The following CACUL1 variants were observed in gnomAD, a reference collection of about 807,000 sequenced individuals.
CACUL1 encodes CDK2 associated cullin domain 1.
CACUL1 carries 13 observed loss-of-function variants against 45.2 expected under a neutral mutation model. That is an observed-to-expected ratio of 0.29 (90% CI 0.19 to 0.46). CACUL1 has a LOEUF of 0.46. CACUL1 is among the 20% of genes least tolerant of loss of function. The pLI is 1.00. For missense variants in CACUL1, 421 were observed against 471.4 expected (o/e 0.89, Z 0.99); for synonymous variants, 197 against 174.2 (o/e 1.13, Z -1.03).
At position 118,686,026 on chromosome 10, in the gene CACUL1, C is replaced by A; in HGVS notation, c.*102G>T. ...TCCTCTTCCATGAACAGCTTTGTGA[C>A]AGAGCTCCTGAGTGTGTGCAGCCCC... On this transcript the variant is annotated 3_prime_UTR_variant, in exon 9 of 9. Coordinates refer to ENST00000369151, the MANE Select transcript of CACUL1 (RefSeq NM_153810.5). The A allele has an allele frequency of 1.4e-6, 1 of 703,884 alleles. No homozygotes were observed. 43.6% of individuals were successfully genotyped at this position (703,884 alleles called of 1,614,324 possible). A position where few individuals can be genotyped will look rare whatever the true frequency, so the allele number is the denominator to read the frequency against.
intron 6 of CACUL1, among the ~76,000 whole-genome samples, chr10:118,691,851 A>G (rs1307059034): frequency 7.7e-6 from 1 of 130,504 alleles, no homozygotes; most frequent in Non-Finnish European, 1.6e-5. Flanking sequence ...TGGGCGACAG[A>G]GCGAGACTCC....
intron 3 of CACUL1, among the ~76,000 whole-genome samples, chr10:118,719,238 TA>T (rs1175471940): frequency 2.0e-5 from 3 of 152,220 alleles, no homozygotes; most frequent in Non-Finnish European, 4.4e-5. Context: ...ATTCCTATAA[TA>T]AGTACAACGT....
At position 118,680,282 on chromosome 10, in the gene CACUL1, T is replaced by C. The variant is rs182714223; in HGVS notation, c.*5846A>G. The C allele has an allele frequency of 4.1e-4, 62 of 152,200 alleles. 1 individual carries two copies. Among genetic ancestry groups the C allele is most frequent in the Admixed American group, 3.5e-3 (53 of 15,280 alleles). The allele number at this position is 152,200 out of a possible 1,614,324, so 9.4% of individuals were successfully genotyped here. On this transcript the variant is annotated 3_prime_UTR_variant, in exon 9 of 9. Coordinates refer to ENST00000369151, the MANE Select transcript of CACUL1 (RefSeq NM_153810.5). ...TCTAGTAGAAAAGGTTTGTACTTAG[T>C]AAAAAACAAACCTGCTAAAAGGGAA...
chr10:118,743,385 G>A (rs1011133960), intron 1 of CACUL1, among the ~76,000 whole-genome samples: 18 of 151,730 alleles, frequency 1.2e-4, no homozygotes, highest in Admixed American at 2.0e-4. Flanking sequence ...AAAAAATTGC[G>A]GAAAACTTAA....
In CACUL1 at chr10:118,680,904, ATAT is replaced by A. The variant is rs1420817707; in HGVS notation, c.*5221_*5223del. ...TGCTATAAGCAAAATCAAATATTCT[ATAT>A]TATAACAAAGTTCCAGTGAACCAGG... On this transcript the variant is annotated 3_prime_UTR_variant, in exon 9 of 9. Coordinates refer to ENST00000369151, the MANE Select transcript of CACUL1 (RefSeq NM_153810.5). The A allele has an allele frequency of 1.3e-5, 2 of 152,230 alleles. No individual in the cohort carries two copies. The highest frequency in any genetic ancestry group is 2.9e-5 in the Non-Finnish European group (2 of 68,040). The allele number at this position is 152,230 out of a possible 1,614,324, so 9.4% of individuals were successfully genotyped here.
chr10:118,692,506 T>C (rs947545377), intron 6 of CACUL1: 1 of 152,154 alleles, frequency 6.6e-6, no homozygotes. Context: ...AAATATACTC[T>C]CTCCTTTTTA....
chr10:118,738,892 T>TAAAAAAAAAAAAA lies in CACUL1; in HGVS notation c.368-8495_368-8483dup, dbSNP rs150393133. Among the ~76,000 whole-genome samples the TAAAAAAAAAAAAA allele has an allele frequency of 9.0e-4, 56 of 62,256 alleles. 1 individual carries two copies. Among genetic ancestry groups the TAAAAAAAAAAAAA allele is most frequent in the African/African-American group, 3.3e-3 (53 of 16,160 alleles). The allele number at this position is 62,256 out of a possible 152,430, so 40.8% of individuals were successfully genotyped here. ...AAAAAAGAAGTAATCCAAGTGCTCT[T>TAAAAAAAAAAAAA]AAAAAAAAAAAAAAAAAAAAAAAGC... On this transcript the variant is annotated intron_variant, in intron 1 of 8. Transcript: ENST00000369151.
chr10:118,754,549 C>T lies in CACUL1; in HGVS notation c.214G>A (p.Glu72Lys). The change falls in exon 1 of 9, where the codon GAG (glutamate) becomes AAG (lysine). Residue 72 changes from glutamate to lysine, a missense_variant. By Grantham distance (56) the Glu-to-Lys change is moderately conservative. Coordinates refer to ENST00000369151, the MANE Select transcript of CACUL1 (RefSeq NM_153810.5). Reference sequence around the variant, plus strand: ...GGCTGCGGCCCCATCGGGAGCCCCTCCTTGGGGCCTTTCCTGTCCACGGAG... The same window carrying T: ...GGCTGCGGCCCCATCGGGAGCCCCTTCTTGGGGCCTTTCCTGTCCACGGAG... ...AVSVDRKGPK[E>K]GLPMGPQPPP... 6.2e-7 allele frequency: 1 copy of T among 1,612,508 alleles called. No homozygotes were observed. The highest frequency in any genetic ancestry group is 8.5e-7 in the Non-Finnish European group (1 of 1,179,434).
intron 1 of CACUL1, among the ~76,000 whole-genome samples, chr10:118,749,918 C>A (rs561932252): frequency 6.6e-6 from 1 of 152,180 alleles, no homozygotes; most frequent in Non-Finnish European, 1.5e-5. Flanking sequence ...TCAGGAATAT[C>A]AACATAGGAA....
chr10:118,747,570 CAAAAA>C (rs5788317), intron 1 of CACUL1, among the ~76,000 whole-genome samples: 2 of 114,230 alleles, frequency 1.8e-5, no homozygotes, highest in East Asian at 5.1e-4. Context: ...TTGGGATATC[CAAAAA>C]AAAAAAAAAC....
intron 3 of CACUL1, among the ~76,000 whole-genome samples, chr10:118,723,810 C>G (rs999473697): frequency 6.6e-6 from 1 of 152,088 alleles, no homozygotes; most frequent in Non-Finnish European, 1.5e-5. Flanking sequence ...GAATCTCGCT[C>G]TGTCGCTCAG....
intron 1 of CACUL1, among the ~76,000 whole-genome samples, chr10:118,747,170 C>T (rs1845850674): frequency 6.6e-6 from 1 of 152,182 alleles, no homozygotes; most frequent in South Asian, 2.1e-4. Context: ...TTGTCTCTTC[C>T]ACGCAACTGG....
chr10:118,692,214 TTGAAAATA>T (rs1466072706), intron 6 of CACUL1: 2 of 152,118 alleles, frequency 1.3e-5, no homozygotes, highest in Non-Finnish European at 2.9e-5. Flanking sequence ...GGTTAGTACT[TTGAAAATA>T]TTTTTTGAGC....
chr10:118,754,446 G>A lies in CACUL1; in HGVS notation c.317C>T (p.Ala106Val), dbSNP rs2901166. 2 of 1,578,040 alleles carry A rather than the reference G, an allele frequency of 1.3e-6. No homozygotes were observed. Among genetic ancestry groups the A allele is most frequent in the Non-Finnish European group, 1.7e-6 (2 of 1,162,102 alleles). The change falls in exon 1 of 9, where the codon GCC becomes GTC. Residue 106 changes from alanine (A) to valine (V), a missense_variant. Physicochemically the swap from Ala to Val is moderately conservative, Grantham distance 64. This residue lies in a region of CACUL1 where 213 missense variants were observed against 173.1 expected (regional missense o/e 1.23). Coordinates refer to ENST00000369151, the MANE Select transcript of CACUL1 (RefSeq NM_153810.5). ...GTTGATGGTGGAGCTGGCGGTGGGG[G>A]CGGGGGCCGCCTTGGCCACGGCGGC... Reference protein sequence around the residue: ...AAAAVAKAAPAPTASSTININ... With the variant: ...AAAAVAKAAPVPTASSTININ...
At chr10:118,732,037 C>A (rs1475117745) in intron 1 of CACUL1, among the ~76,000 whole-genome samples, 2 of 152,162 alleles carry the variant, frequency 1.3e-5, no homozygotes, top group African/African-American at 4.8e-5. Context: ...CATGTAGGTC[C>A]TTATGGGCCA....
intron 1 of CACUL1, among the ~76,000 whole-genome samples, chr10:118,744,828 G>C (rs1845826350): frequency 6.6e-6 from 1 of 152,004 alleles, no homozygotes; most frequent in South Asian, 2.1e-4. Context: ...GCTAATTTTT[G>C]TATTTTTAGT....
chr10:118,709,796 A>G (rs964127898), intron 3 of CACUL1, among the ~76,000 whole-genome samples: 1 of 152,232 alleles, frequency 6.6e-6, no homozygotes, highest in Non-Finnish European at 1.5e-5. Flanking sequence ...AGTTCTACTT[A>G]GAAGCTTATA....
chr10:118,740,733 T>C (rs373641897), intron 1 of CACUL1, among the ~76,000 whole-genome samples: 21 of 152,218 alleles, frequency 1.4e-4, no homozygotes, highest in African/African-American at 4.6e-4. Context: ...GAGACCATCC[T>C]GGCTAACACG....
At position 118,730,544 on chromosome 10, in the gene CACUL1, C is replaced by A. The variant is rs1375318036; in HGVS notation, c.368-134G>T. The A allele has an allele frequency of 4.8e-6, 4 of 839,410 alleles. 1 individual carries two copies. The South Asian group carries it at 5.9e-5, about 12-fold the overall frequency. The allele number at this position is 839,410 out of a possible 1,614,324, so 52.0% of individuals were successfully genotyped here. On this transcript the variant is annotated intron_variant, in intron 1 of 8. Coordinates refer to ENST00000369151, the MANE Select transcript of CACUL1 (RefSeq NM_153810.5). ...CACTGACACTCTATCACCTAACTAT[C>A]CTATTTCAATTAAAAACAAAAAAGG...
Sources: gnomAD v4.1 joint callset for allele counts (sites outside exome capture counted in the v4.1 genomes callset) on GRCh38, gnomAD v4.1.1 for gene constraint, gnomAD v4.1.1 regional missense constraint, MANE v1.5 for transcripts, NCBI Gene and HGNC (gene_info 2026-07-23, HGNC 2026-07-21) for gene names.